FERMT2: variants seen among roughly 807,000 people sequenced by gnomAD.
FERMT2 encodes fermitin family homolog 2.
A neutral mutation model predicts 82.7 loss-of-function variants in FERMT2; 15 were observed. The observed-to-expected ratio is 0.18, with a 90% CI of 0.12 to 0.28. FERMT2 has a LOEUF of 0.28. Ranked by LOEUF, FERMT2 falls within the 10% of genes least tolerant of loss-of-function variation. The pLI is 1.00. For missense variants in FERMT2, 645 were observed against 809.4 expected (o/e 0.80, Z 2.46); for synonymous variants, 274 against 271.5 (o/e 1.01, Z -0.09).
intron 2 of FERMT2, among the ~76,000 whole-genome samples, chr14:52,936,813 T>A (rs1289216432): frequency 6.6e-6 from 1 of 152,160 alleles, no homozygotes; most frequent in Non-Finnish European, 1.5e-5. Context: ...ATCCTATAAC[T>A]ATTTCAATTA....
At chr14:52,868,496 T>C (rs539342015) in intron 10 of FERMT2, among the ~76,000 whole-genome samples, 52 of 152,314 alleles carry the variant, frequency 3.4e-4, no homozygotes, top group African/African-American at 1.2e-3. Context: ...ATCCTGAGGA[T>C]TGAGACTGTA....
intron 10 of FERMT2, among the ~76,000 whole-genome samples, chr14:52,870,963 A>C (rs1490815725): frequency 6.6e-6 from 1 of 152,184 alleles, no homozygotes; most frequent in African/African-American, 2.4e-5. Flanking sequence ...TTCGAGTTAG[A>C]AAGGCCTTAT....
chr14:52,927,451 T>C (rs1042418696), intron 2 of FERMT2, among the ~76,000 whole-genome samples: 5 of 151,820 alleles, frequency 3.3e-5, no homozygotes, highest in African/African-American at 9.7e-5. Flanking sequence ...ACTTGACTGT[T>C]TGGATACAGG....
At chr14:52,900,844 T>G (rs956604755) in intron 3 of FERMT2, among the ~76,000 whole-genome samples, 3 of 152,050 alleles carry the variant, frequency 2.0e-5, no homozygotes, top group Non-Finnish European at 2.9e-5. Flanking sequence ...AGAACCTGAA[T>G]AGCCCTAGGG....
At chr14:52,864,232 G>C (rs1885130908) in intron 12 of FERMT2, among the ~76,000 whole-genome samples, 169 bp downstream of exon 12, 1 of 152,054 alleles carries the variant, frequency 6.6e-6, no homozygotes, top group African/African-American at 2.4e-5. Context: ...TTCAGATTTT[G>C]GAGGATTTCA....
chr14:52,919,024 T>G, intron 3 of FERMT2, 99 bp downstream of exon 3: 1 of 761,514 alleles, frequency 1.3e-6, no homozygotes, highest in Non-Finnish European at 2.2e-6. Flanking sequence ...ATACAGATAG[T>G]TCAGCCCATG....
intron 4 of FERMT2, among the ~76,000 whole-genome samples, chr14:52,886,802 A>C (rs773006544): frequency 7.9e-5 from 12 of 152,228 alleles, no homozygotes; most frequent in Non-Finnish European, 1.6e-4. Flanking sequence ...ATATGTAGTA[A>C]TCAAGAAATG....
At chr14:52,933,648 T>G (rs1228807189) in intron 2 of FERMT2, among the ~76,000 whole-genome samples, 1 of 136,462 alleles carries the variant, frequency 7.3e-6, no homozygotes, top group African/African-American at 2.8e-5. Flanking sequence ...AGGTGGAGGT[T>G]GTGGTGAGCC....
At chr14:52,935,316 A>T (rs1193950680) in intron 2 of FERMT2, among the ~76,000 whole-genome samples, 2 of 152,220 alleles carry the variant, frequency 1.3e-5, no homozygotes, top group African/African-American at 4.8e-5. Flanking sequence ...ATTTTACATT[A>T]AGGCTCCAAT....
At chr14:52,887,138 CT>C (rs879787163) in intron 4 of FERMT2, among the ~76,000 whole-genome samples, 288 of 141,784 alleles carry the variant, frequency 2.0e-3, no homozygotes, top group Admixed American at 1.8e-3. Flanking sequence ...GATCCCAGCA[CT>C]TTTTTTTTTT....
chr14:52,944,026 AAAAC>A (rs906560245), intron 2 of FERMT2, among the ~76,000 whole-genome samples: 5 of 152,214 alleles, frequency 3.3e-5, no homozygotes, highest in African/African-American at 9.6e-5. Context: ...CAGCAAAACA[AAAAC>A]AAAAGGCAGC....
At chr14:52,896,390 A>G (rs1887255479) in intron 3 of FERMT2, among the ~76,000 whole-genome samples, 1 of 152,192 alleles carries the variant, frequency 6.6e-6, no homozygotes, top group Non-Finnish European at 1.5e-5. Context: ...ATTCAACCCA[A>G]TATTATAAAT....
chr14:52,936,099 T>C (rs1287476069), intron 2 of FERMT2, among the ~76,000 whole-genome samples: 1 of 152,168 alleles, frequency 6.6e-6, no homozygotes, highest in Admixed American at 6.5e-5. Context: ...AATGAAAAGG[T>C]CTGACAAATT....
At chr14:52,887,412 C>T (rs536440188) in intron 4 of FERMT2, among the ~76,000 whole-genome samples, 4 of 151,250 alleles carry the variant, frequency 2.6e-5, no homozygotes, top group Admixed American at 6.6e-5. Flanking sequence ...ACTTGGGAGG[C>T]GGAGGGAGGA....
At chr14:52,929,623 C>A (rs990226804) in intron 2 of FERMT2, among the ~76,000 whole-genome samples, 1 of 152,102 alleles carries the variant, frequency 6.6e-6, no homozygotes, top group Admixed American at 6.6e-5. Flanking sequence ...TGCCGCAGTG[C>A]CCTTGTACAT....
chr14:52,919,043 C>G, intron 3 of FERMT2, 80 bp downstream of exon 3: 2 of 977,704 alleles, frequency 2.0e-6, no homozygotes, highest in East Asian at 5.0e-5. Flanking sequence ...TGCCCCATCC[C>G]TTGGGATAAG....
Position 52,911,655 on chromosome 14 carries a change from T to TA in FERMT2, c.391+7467dup, listed in dbSNP as rs1284789789. Among the ~76,000 whole-genome samples the TA allele has an allele frequency of 6.6e-3, 760 of 115,484 alleles. 8 individuals are homozygous for TA. The highest frequency in any genetic ancestry group is 0.061 in the East Asian group (247 of 4,074). 75.8% of individuals were successfully genotyped at this position (115,484 alleles called of 152,430 possible). On this transcript the variant is annotated intron_variant, in intron 3 of 14. Coordinates refer to ENST00000341590, the MANE Select transcript of FERMT2 (RefSeq NM_006832.3). ...GACAGAGTGAGATTCCATCTCAAAA[T>TA]AAAAAAAAAAAAAAAGCAGGCTGCA...
chr14:52,944,697 T>G (rs890253939), intron 2 of FERMT2, among the ~76,000 whole-genome samples: 2 of 152,206 alleles, frequency 1.3e-5, no homozygotes, highest in Non-Finnish European at 2.9e-5. Context: ...AATGATCACG[T>G]TAAGGGATTT....
Position 52,924,850 on chromosome 14 carries a change from A to G in FERMT2, c.158-5494T>C, listed in dbSNP as rs1297686909. ...ATTTTTAAAAAGGGAAAGCTATTAC[A>G]GCATTATTTTAAAAGTGGCTGAAAT... On this transcript the variant is annotated intron_variant, in intron 2 of 14. Transcript: ENST00000341590. Among the ~76,000 whole-genome samples the G allele has an allele frequency of 5.3e-5, 8 of 152,232 alleles. No individual in the cohort carries two copies. The East Asian group carries it at 1.5e-3, about 29-fold the overall frequency.
Sources: gnomAD v4.1 joint callset for allele counts (sites outside exome capture counted in the v4.1 genomes callset) on GRCh38, gnomAD v4.1.1 for gene constraint, MANE v1.5 for transcripts, NCBI Gene and HGNC (gene_info 2026-07-23, HGNC 2026-07-21) for gene names.